The following COL8A1 variants were observed in gnomAD, a reference collection of about 807,000 sequenced individuals.
COL8A1 encodes collagen type VIII alpha 1 chain.
Under a neutral mutation model 42.7 loss-of-function variants are expected in COL8A1, and 21 were observed. The ratio of observed to expected loss-of-function variants is 0.49; its 90% confidence interval spans 0.35 to 0.71. The LOEUF is 0.71. Ranked by LOEUF, COL8A1 falls within the 30% of genes least tolerant of loss-of-function variation. The pLI, the probability that COL8A1 is intolerant of heterozygous loss-of-function variation, is 0.01. For synonymous variants in COL8A1, 367 were observed against 369.1 expected, an observed-to-expected ratio of 0.99 and a Z score of 0.06; for missense variants, 788 against 962.4, an observed-to-expected ratio of 0.82 and a Z score of 2.40.
chr3:99,723,904 C>G (rs1459712279), intron 1 of COL8A1, among the ~76,000 whole-genome samples: 1 of 152,152 alleles, frequency 6.6e-6, no homozygotes, highest in Admixed American at 6.6e-5. Context: ...AACCCACAAA[C>G]AGCATATACA....
intron 1 of COL8A1, among the ~76,000 whole-genome samples, chr3:99,649,685 C>T (rs1199314801): frequency 6.6e-6 from 1 of 152,160 alleles, no homozygotes; most frequent in Non-Finnish European, 1.5e-5. Context: ...GTGTGGTTTT[C>T]TGAGAGAACC....
chr3:99,759,336 T>G (rs923142394), intron 2 of COL8A1, among the ~76,000 whole-genome samples: 1 of 152,160 alleles, frequency 6.6e-6, no homozygotes, highest in African/African-American at 2.4e-5. Context: ...TTGTATTTGC[T>G]ATGTAATTTC....
chr3:99,689,958 C>T (rs1445352623), intron 1 of COL8A1, among the ~76,000 whole-genome samples: 1 of 152,186 alleles, frequency 6.6e-6, no homozygotes, highest in African/African-American at 2.4e-5. Context: ...TAAAAATCTT[C>T]CTTTTTATTT....
At chr3:99,763,338 G>A (rs190240896) in intron 2 of COL8A1, among the ~76,000 whole-genome samples, 4 of 152,200 alleles carry the variant, frequency 2.6e-5, no homozygotes, top group African/African-American at 9.6e-5. Context: ...ATGTACTCTG[G>A]GAGATGAGAG....
intron 2 of COL8A1, among the ~76,000 whole-genome samples, chr3:99,764,509 T>C (rs570772980): frequency 7.2e-5 from 11 of 152,282 alleles, no homozygotes; most frequent in Middle Eastern, 3.4e-3. Flanking sequence ...AAGTAATATG[T>C]TGTTAGTAGT....
chr3:99,714,416 T>C lies in COL8A1; in HGVS notation c.-128-30481T>C, dbSNP rs190037296. Among the ~76,000 whole-genome samples the C allele has an allele frequency of 4.6e-4, 70 of 152,234 alleles. 1 individual carries two copies. Among genetic ancestry groups the C allele is most frequent in the African/African-American group, 1.7e-3 (69 of 41,560 alleles). On this transcript the variant is annotated intron_variant, in intron 1 of 3. Coordinates refer to ENST00000652472, the MANE Select transcript of COL8A1 (RefSeq NM_020351.4). ...CCTATCCCATAAAGTTCCCAGATTCTCAAGGAAACAAGTGACTCATGGAGC... is the reference window on the plus strand; with the variant it reads ...CCTATCCCATAAAGTTCCCAGATTCCCAAGGAAACAAGTGACTCATGGAGC...
intron 2 of COL8A1, among the ~76,000 whole-genome samples, chr3:99,769,271 T>A (rs1941531107): frequency 6.6e-6 from 1 of 152,242 alleles, no homozygotes; most frequent in African/African-American, 2.4e-5. Flanking sequence ...ATGTCAGTCC[T>A]TATCCTATCC....
chr3:99,690,402 A>T (rs1044021016), intron 1 of COL8A1, among the ~76,000 whole-genome samples: 1 of 152,232 alleles, frequency 6.6e-6, no homozygotes, highest in Non-Finnish European at 1.5e-5. Context: ...ATCCTGATCT[A>T]TCTAGATTAG....
chr3:99,646,871 C>T (rs1937654348), intron 1 of COL8A1, among the ~76,000 whole-genome samples: 1 of 152,186 alleles, frequency 6.6e-6, no homozygotes, highest in South Asian at 2.1e-4. Context: ...GGGAATTTCT[C>T]ACATACAATA....
At chr3:99,720,332 G>A (rs1280902913) in intron 1 of COL8A1, among the ~76,000 whole-genome samples, 1 of 151,094 alleles carries the variant, frequency 6.6e-6, no homozygotes, top group African/African-American at 2.5e-5. Flanking sequence ...TTGAATGACA[G>A]ATGGAAAATT....
intron 1 of COL8A1, among the ~76,000 whole-genome samples, chr3:99,682,711 C>T (rs1025183027): frequency 2.6e-5 from 4 of 151,938 alleles, no homozygotes; most frequent in African/African-American, 4.8e-5. Context: ...CAGGCATCTC[C>T]GTTAAGCTCT....
chr3:99,786,796 G>C (rs1318528343), intron 2 of COL8A1, among the ~76,000 whole-genome samples: 1 of 152,142 alleles, frequency 6.6e-6, no homozygotes, highest in Non-Finnish European at 1.5e-5. Flanking sequence ...TATATCTAAT[G>C]AATGAATTGC....
At chr3:99,658,121 A>C (rs1192146451) in intron 1 of COL8A1, among the ~76,000 whole-genome samples, 1 of 144,720 alleles carries the variant, frequency 6.9e-6, no homozygotes, top group African/African-American at 2.6e-5. Context: ...TCTCAAAAAA[A>C]CAAAAAACAA....
At chr3:99,700,009 T>C (rs899517381) in intron 1 of COL8A1, among the ~76,000 whole-genome samples, 3 of 152,192 alleles carry the variant, frequency 2.0e-5, no homozygotes, top group African/African-American at 7.2e-5. Flanking sequence ...CCAGTGCTAA[T>C]GTGCGCATGA....
At chr3:99,653,803 T>C (rs1937928062) in intron 1 of COL8A1, among the ~76,000 whole-genome samples, 1 of 151,836 alleles carries the variant, frequency 6.6e-6, no homozygotes, top group Non-Finnish European at 1.5e-5. Flanking sequence ...GCATATTCCC[T>C]GCCATATTTA....
At chr3:99,777,772 G>T (rs541022178) in intron 2 of COL8A1, among the ~76,000 whole-genome samples, 2 of 152,292 alleles carry the variant, frequency 1.3e-5, no homozygotes, top group South Asian at 4.1e-4. Context: ...GAACCAAGCT[G>T]CCCCAATTCT....
chr3:99,647,164 C>T (rs578164876), intron 1 of COL8A1, among the ~76,000 whole-genome samples: 1 of 152,258 alleles, frequency 6.6e-6, no homozygotes, highest in Admixed American at 6.5e-5. Flanking sequence ...ATGTTACAAT[C>T]GAGTGTTCCT....
rs377704997 is a variant in COL8A1, at chr3:99,658,115, AAAAAAACAAAAAAC to A, written c.-129+19458_-129+19471del. Among the ~76,000 whole-genome samples, 790 of 136,384 alleles carry A rather than the reference AAAAAAACAAAAAAC, an allele frequency of 5.8e-3. 10 individuals are homozygous for A. The highest frequency in any genetic ancestry group is 0.019 in the African/African-American group (745 of 38,260). The allele number at this position is 136,384 out of a possible 152,430, so 89.5% of individuals were successfully genotyped here. A position where few individuals can be genotyped will look rare whatever the true frequency, so the allele number is the denominator to read the frequency against. On this transcript the variant is annotated intron_variant, in intron 1 of 3. Coordinates refer to ENST00000652472, the MANE Select transcript of COL8A1 (RefSeq NM_020351.4). ...GCACCCCAGAGCAAGACTCCATCTC[AAAAAAACAAAAAAC>A]AAAAAAAAAAAAACACCTTTCAAAG...
chr3:99,726,732 C>T (rs1209666812), intron 1 of COL8A1, among the ~76,000 whole-genome samples: 13 of 151,448 alleles, frequency 8.6e-5, no homozygotes, highest in South Asian at 6.3e-4. Context: ...AGATATGCGG[C>T]GTTATTTCTG....
Sources: gnomAD v4.1 joint callset for allele counts (sites outside exome capture counted in the v4.1 genomes callset) on GRCh38, gnomAD v4.1.1 for gene constraint, MANE v1.5 for transcripts, NCBI Gene and HGNC (gene_info 2026-07-23, HGNC 2026-07-21) for gene names.